Variants in CFAP54 observed in about 807,000 individuals in gnomAD.
CFAP54 encodes cilia- and flagella-associated protein 54.
CFAP54 carries 290 observed loss-of-function variants against 370.4 expected under a neutral mutation model. The ratio of observed to expected loss-of-function variants is 0.78; its 90% CI spans 0.71 to 0.86. The LOEUF is 0.86. Ranked by LOEUF, CFAP54 falls within the 40% of genes least tolerant of loss-of-function variation. The pLI is 0.00. For synonymous variants in CFAP54, 1,206 were observed against 1,236.5 expected, an observed-to-expected ratio of 0.98 and a Z score of 0.52; for missense variants, 3,399 against 3,528.7, an observed-to-expected ratio of 0.96 and a Z score of 0.93.
intron 46 of CFAP54, among the ~76,000 whole-genome samples, chr12:96,702,953 T>A (rs1383999892): frequency 6.6e-6 from 1 of 152,204 alleles, no homozygotes; most frequent in African/African-American, 2.4e-5. Context: ...GGTATTCTGC[T>A]CTTATCATCA....
intron 60 of CFAP54, among the ~76,000 whole-genome samples, chr12:96,783,670 T>C (rs1018845754): frequency 6.6e-5 from 10 of 152,198 alleles, no homozygotes; most frequent in Non-Finnish European, 5.9e-5. Context: ...GTGAATCACC[T>C]GAGGTCGGGA....
In CFAP54 at chr12:96,664,739, CTATATATA is replaced by C. The variant is rs1433452591; in HGVS notation, c.5563+815_5563+822del. Among the ~76,000 whole-genome samples, 7 of 25,836 alleles carry C rather than the reference CTATATATA, an allele frequency of 2.7e-4. 1 individual carries two copies. Among genetic ancestry groups the C allele is most frequent in the African/African-American group, 5.5e-4 (4 of 7,210 alleles). 16.9% of individuals were successfully genotyped at this position (25,836 alleles called of 152,430 possible). A position where few individuals can be genotyped will look rare whatever the true frequency, so the allele number is the denominator to read the frequency against. ...TCTATATATATCTATATATATATATCTATATATATATATATCTATATATATCTATATCT... is the reference window on the plus strand; with the variant it reads ...TCTATATATATCTATATATATATATCTATATATCTATATATATCTATATCT... On this transcript the variant is annotated intron_variant, in intron 39 of 67. Transcript: ENST00000524981.
chr12:96,700,072 T>TA lies in CFAP54; in HGVS notation c.6456dup (p.Ala2153SerfsTer12). The TA allele has an allele frequency of 6.2e-7, 1 of 1,607,286 alleles. No homozygotes were observed. The highest frequency in any genetic ancestry group is 8.5e-7 in the Non-Finnish European group (1 of 1,178,114). On this transcript the variant is annotated frameshift_variant, in exon 46 of 68. Transcript: ENST00000524981. LOFTEE classifies it high-confidence loss of function. ...TGCCTTGTCCAATACCTGCAGGCTA[T>TA]AAAGCCACTGGAAAAATGAAGGTAA...
intron 63 of CFAP54, 82 bp downstream of exon 63, chr12:96,792,581 C>T (rs1031867211): frequency 1.7e-5 from 18 of 1,059,886 alleles, no homozygotes; most frequent in Middle Eastern, 2.1e-4. Flanking sequence ...GAGTAGAGGA[C>T]ATTCTCTTAT....
chr12:96,639,497 G>A (rs568381344), intron 32 of CFAP54, among the ~76,000 whole-genome samples: 100 of 152,216 alleles, frequency 6.6e-4, no homozygotes, highest in African/African-American at 2.4e-3. Flanking sequence ...TTCTACCAGA[G>A]GTACAAGGAG....
intron 63 of CFAP54, among the ~76,000 whole-genome samples, chr12:96,792,977 TA>T (rs1315377654): frequency 1.5e-4 from 23 of 152,272 alleles, no homozygotes; most frequent in Admixed American, 1.4e-3. Context: ...AGTTTGCTAT[TA>T]TTTGTATTAA....
At chr12:96,717,330 C>T (rs1458395114) in intron 48 of CFAP54, among the ~76,000 whole-genome samples, 1 of 152,140 alleles carries the variant, frequency 6.6e-6, no homozygotes, top group Non-Finnish European at 1.5e-5. Flanking sequence ...CCCTAGCCCT[C>T]CCTCATCCTC....
At chr12:96,707,811 A>T (rs1957561942) in intron 47 of CFAP54, among the ~76,000 whole-genome samples, 1 of 152,132 alleles carries the variant, frequency 6.6e-6, no homozygotes, top group Non-Finnish European at 1.5e-5. Context: ...TGACTGCTTC[A>T]GTTTTCCTAG....
intron 55 of CFAP54, among the ~76,000 whole-genome samples, chr12:96,746,824 A>G (rs1366011530): frequency 6.6e-6 from 1 of 152,006 alleles, no homozygotes; most frequent in African/African-American, 2.4e-5. Flanking sequence ...CATTCCTACC[A>G]TATCATTCTC....
intron 30 of CFAP54, 58 bp from the exon 31 acceptor site, chr12:96,630,035 T>C (rs551078476): frequency 1.2e-4 from 86 of 730,248 alleles, no homozygotes; most frequent in Non-Finnish European, 2.2e-6. Flanking sequence ...CATATTACTT[T>C]GGGGTAGTTC....
rs999797933 is a variant in CFAP54 at position 96,606,906 on chromosome 12, G to A, written c.3639+8139G>A. Among the ~76,000 whole-genome samples, 4 of 152,282 alleles carry A rather than the reference G, an allele frequency of 2.6e-5. No homozygotes were observed. The East Asian group carries it at 5.8e-4, about 22-fold the overall frequency. The stretch of plus-strand genomic sequence containing the variant: ...CCTCAAAGAACGTCCATATCTGCCT[G>A]CCTGTTTTTATGTGGTTCTCATAGG... On this transcript the variant is annotated intron_variant, in intron 26 of 67. Transcript: ENST00000524981.
intron 1 of CFAP54, among the ~76,000 whole-genome samples, chr12:96,499,359 G>T (rs1954997012): frequency 6.6e-6 from 1 of 152,026 alleles, no homozygotes; most frequent in African/African-American, 2.4e-5. Flanking sequence ...ATAAACATAT[G>T]AAAATATGCT....
intron 39 of CFAP54, among the ~76,000 whole-genome samples, 196 bp from the exon 40 acceptor site, chr12:96,679,404 T>A (rs1020767231): frequency 3.3e-5 from 5 of 151,568 alleles, no homozygotes; most frequent in South Asian, 4.2e-4. Context: ...TTTTTTTTTT[T>A]AAAAGGACCT....
intron 26 of CFAP54, among the ~76,000 whole-genome samples, chr12:96,617,906 C>T (rs977707098): frequency 6.8e-6 from 1 of 147,430 alleles, no homozygotes; most frequent in African/African-American, 2.5e-5. Context: ...AGGAGAATGG[C>T]GTGAACCCGG....
chr12:96,596,630 G>A (rs1453240845), intron 25 of CFAP54, among the ~76,000 whole-genome samples: 1 of 151,994 alleles, frequency 6.6e-6, no homozygotes, highest in Non-Finnish European at 1.5e-5. Context: ...AATTTCCCAG[G>A]AGATGACGTG....
rs751415703 is a variant in CFAP54 at position 96,657,895 on chromosome 12, A to C, written c.5114A>C (p.Lys1705Thr). The change falls in exon 37 of 68, where the codon AAA (lysine) becomes ACA (threonine). Residue 1705 changes from lysine (K) to threonine (T), a missense_variant. This residue lies in a region of CFAP54 where 2,796 missense variants were observed against 2,869.7 expected (regional missense o/e 0.97). Coordinates refer to ENST00000524981, the MANE Select transcript of CFAP54 (RefSeq NM_001306084.2). ...TGCTACTTGCAGCCTATTGAAGACA[A>C]AGGAGAATTCAGTGTTCCAAGCTGT... ...NTSSIKPIED[K>T]GEFSVPSCYG... The C allele has an allele frequency of 6.2e-7, 1 of 1,610,738 alleles. No individual in the cohort carries two copies. Among genetic ancestry groups the C allele is most frequent in the Non-Finnish European group, 8.5e-7 (1 of 1,178,676 alleles).
At chr12:96,700,131 T>A (rs1398058387) in intron 46 of CFAP54, 38 bp downstream of exon 46, 7 of 1,569,630 alleles carry the variant, frequency 4.5e-6, no homozygotes, top group Non-Finnish European at 6.1e-6. Flanking sequence ...TTTCTTTACC[T>A]ATGAGGGATA....
intron 55 of CFAP54, among the ~76,000 whole-genome samples, chr12:96,751,219 T>A (rs1958179500): frequency 6.6e-6 from 1 of 152,198 alleles, no homozygotes; most frequent in African/African-American, 2.4e-5. Flanking sequence ...GTTTATTCAA[T>A]CAGCAAACAT....
chr12:96,526,280 G>A (rs1457728328), intron 8 of CFAP54, among the ~76,000 whole-genome samples: 1 of 152,210 alleles, frequency 6.6e-6, no homozygotes, highest in Admixed American at 6.5e-5. Flanking sequence ...AGTGTGGCAG[G>A]AAGCATGTGC....
Sources: allele counts gnomAD v4.1 joint callset (sites outside exome capture counted in the v4.1 genomes callset), GRCh38; gene constraint gnomAD v4.1.1; regional missense constraint gnomAD v4.1.1; transcripts MANE v1.5; gene names NCBI Gene and HGNC (gene_info 2026-07-23, HGNC 2026-07-21).